The following ACP1 variants were observed in gnomAD, a reference collection of about 807,000 sequenced individuals.
ACP1 encodes low molecular weight phosphotyrosine protein phosphatase.
Under a neutral mutation model 23.4 loss-of-function variants are expected in ACP1, and 23 were observed. The observed-to-expected ratio is 0.98, with a 90% CI of 0.71 to 1.39. The LOEUF (loss-of-function observed/expected upper bound fraction) is 1.39, where lower values mean the gene tolerates loss of function less well. Among genes scored for constraint, ACP1 ranks in the 40% most tolerant of loss-of-function variants. The probability of loss-of-function intolerance (pLI) is 0.00; values close to 1 mark genes in which losing one functional copy is unlikely to be tolerated. For missense variants in ACP1, 180 were observed against 197.7 expected, an observed-to-expected ratio of 0.91 and a Z score of 0.54; for synonymous variants, 72 against 67.2, an observed-to-expected ratio of 1.07 and a Z score of -0.35.
intron 1 of ACP1, among the ~76,000 whole-genome samples, chr2:270,726 T>C (rs1476212767): frequency 6.6e-6 from 1 of 152,114 alleles, no homozygotes; most frequent in African/African-American, 2.4e-5. Flanking sequence ...CTTCCTGGGT[T>C]GGCAGTGCTC....
At chr2:272,209 T>C (rs749366849) in intron 3 of ACP1, 59 bp downstream of exon 3, 8 of 1,614,154 alleles carry the variant, frequency 5.0e-6, no homozygotes, top group Non-Finnish European at 8.5e-7. Context: ...TTGACAGCGG[T>C]GCTGTTTCTG....
intron 3 of ACP1, 196 bp from the exon 4 acceptor site, chr2:274,944 A>G (rs1254907164): frequency 2.6e-6 from 1 of 378,292 alleles, no homozygotes; most frequent in Non-Finnish European, 4.7e-6. Context: ...TTTATAATAC[A>G]AAATTTCTTT....
intron 1 of ACP1, among the ~76,000 whole-genome samples, chr2:266,722 C>G (rs1055343233): frequency 3.9e-5 from 6 of 152,210 alleles, no homozygotes; most frequent in African/African-American, 1.4e-4. Flanking sequence ...TCAGGAATTT[C>G]TTTTTCCTTG....
At chr2:275,117 T>A in intron 3 of ACP1, 23 bp from the exon 4 acceptor site, 2 of 1,381,776 alleles carry the variant, frequency 1.4e-6, no homozygotes, top group South Asian at 2.6e-5. Flanking sequence ...AACACTGTGT[T>A]TTGACTTCTT....
chr2:269,478 A>G lies in ACP1; in HGVS notation c.44-2388A>G, dbSNP rs913619530. 3 of 392,958 alleles carry G rather than the reference A, an allele frequency of 7.6e-6. No homozygotes were observed. In the East Asian group the frequency reaches 2.2e-4, roughly 29 times the overall value. The allele number at this position is 392,958 out of a possible 1,614,324, so 24.3% of individuals were successfully genotyped here. ...GATCCTCATTGTATTTGTTTATCAT[A>G]AACAGAAGACCCTAATAGTGATAAA... On this transcript the variant is annotated intron_variant, in intron 1 of 5. Transcript: ENST00000272065.
At chr2:266,062 A>G (rs1669869346) in intron 1 of ACP1, among the ~76,000 whole-genome samples, 1 of 152,206 alleles carries the variant, frequency 6.6e-6, no homozygotes, top group Non-Finnish European at 1.5e-5. Flanking sequence ...TGTGTAATAT[A>G]GTAAAAGATG....
chr2:271,548 C>T (rs184411597), intron 1 of ACP1, among the ~76,000 whole-genome samples: 2 of 152,156 alleles, frequency 1.3e-5, no homozygotes, highest in African/African-American at 2.4e-5. Context: ...ACTTCATTTT[C>T]GTGATTCACT....
At chr2:275,106 A>G in intron 3 of ACP1, 34 bp from the exon 4 acceptor site, 1 of 1,262,534 alleles carries the variant, frequency 7.9e-7, no homozygotes, top group Non-Finnish European at 1.1e-6. Flanking sequence ...TGAATGGTAT[A>G]AACACTGTGT....
In ACP1 at chr2:277,063, T is replaced by G. The variant is rs1409442105; in HGVS notation, c.377T>G (p.Leu126Arg). ...LLGSYDPQKQ[L>R]IIEDPYYGND... is the part of the protein sequence containing the mutation. Reference sequence around the variant, plus strand: ...GGGAGCTATGATCCACAAAAACAACTTATTATTGAAGATCCCTATTATGTA... The same window carrying G: ...GGGAGCTATGATCCACAAAAACAACGTATTATTGAAGATCCCTATTATGTA... Residue 126 changes from leucine to arginine, a missense_variant, in exon 5 of 6, where the codon CTT (leucine) becomes CGT (arginine). By Grantham distance (102) the Leu-to-Arg change is moderately radical. Transcript: ENST00000272065. The G allele has an allele frequency of 1.2e-6, 2 of 1,613,084 alleles. No individual in the cohort carries two copies. The highest frequency in any genetic ancestry group is 3.3e-5 in the Admixed American group (2 of 59,968).
At chr2:265,271 A>C in intron 1 of ACP1, 1 of 449,390 alleles carries the variant, frequency 2.2e-6, no homozygotes, top group Non-Finnish European at 3.9e-6. Flanking sequence ...CAGCCCCTAC[A>C]AGCCAAGGTA....
At chr2:272,588 C>T in intron 3 of ACP1, 1 of 847,390 alleles carries the variant, frequency 1.2e-6, no homozygotes, top group Non-Finnish European at 1.7e-6. Context: ...TTCCTTCCTG[C>T]ATAATTTTTA....
intron 1 of ACP1, among the ~76,000 whole-genome samples, chr2:271,470 A>C (rs932137399): frequency 1.3e-5 from 2 of 152,182 alleles, no homozygotes; most frequent in Non-Finnish European, 2.9e-5. Flanking sequence ...GAGTCTACTG[A>C]GGGACAGACC....
intron 1 of ACP1, among the ~76,000 whole-genome samples, chr2:267,466 A>T (rs1049729611): frequency 2.6e-5 from 4 of 152,200 alleles, no homozygotes. Context: ...CTGATAGATG[A>T]CTTTTGAGTA....
At chr2:266,267 C>T (rs1669878800) in intron 1 of ACP1, 1 of 152,170 alleles carries the variant, frequency 6.6e-6, no homozygotes, top group Admixed American at 6.5e-5. Flanking sequence ...AAGTTAACTT[C>T]TGTGAAAGAC....
rs774993891 is a variant in ACP1, at chr2:264,988, C to G, written c.24C>G (p.Ser8=). ...AGATGGCGGAACAGGCTACCAAGTC[C>G]GTGCTGTTTGTGTGTCTGGGTAAGA... The part of the protein sequence containing the change: MAEQATK[S]VLFVCLGNIC... Residue 8 remains serine, a synonymous_variant, in exon 1 of 6, where the codon TCC becomes TCG. Coordinates refer to ENST00000272065, the MANE Select transcript of ACP1 (RefSeq NM_004300.4). 10 of 1,613,132 alleles carry G rather than the reference C, an allele frequency of 6.2e-6. No individual in the cohort carries two copies. Among genetic ancestry groups the G allele is most frequent in the Non-Finnish European group, 7.6e-6 (9 of 1,179,646 alleles).
intron 1 of ACP1, among the ~76,000 whole-genome samples, chr2:265,517 C>T (rs1200876927): frequency 3.3e-5 from 5 of 152,190 alleles, no homozygotes; most frequent in Non-Finnish European, 7.3e-5. Flanking sequence ...CTGGAGGTCC[C>T]TATATAACTT....
rs374856341 is a variant in ACP1, at chr2:277,101, G to A, written c.399+16G>A. On this transcript the variant is annotated intron_variant, in intron 5 of 5. Coordinates refer to ENST00000272065, the MANE Select transcript of ACP1 (RefSeq NM_004300.4). ...TCCCTATTATGTAAGTACAGTTCACGTTTTAGGGCTAATATGAAGACCCAA... is the reference window on the plus strand; with the variant it reads ...TCCCTATTATGTAAGTACAGTTCACATTTTAGGGCTAATATGAAGACCCAA... The A allele has an allele frequency of 4.8e-5, 76 of 1,590,908 alleles. No homozygotes were observed. In the African/African-American group the frequency reaches 7.4e-4, roughly 15 times the overall value.
At chr2:277,116 T>C (rs373516905) in intron 5 of ACP1, 31 bp downstream of exon 5, 3 of 1,578,576 alleles carry the variant, frequency 1.9e-6, no homozygotes, top group Non-Finnish European at 2.6e-6. Context: ...AGGGCTAATA[T>C]GAAGACCCAA....
rs1433744000 is a variant in ACP1, at chr2:277,598, A to G, written c.*294A>G. 11 of 404,372 alleles carry G rather than the reference A, an allele frequency of 2.7e-5. No homozygotes were observed. The East Asian group carries it at 4.3e-4, about 16-fold the overall frequency. The allele number at this position is 404,372 out of a possible 1,614,324, so 25.0% of individuals were successfully genotyped here. ...ATAGTAGAACAAGCAACATAAAACAATGAAGGAAAACCTCACTTGAAGGCC... is the reference window on the plus strand; with the variant it reads ...ATAGTAGAACAAGCAACATAAAACAGTGAAGGAAAACCTCACTTGAAGGCC... On this transcript the variant is annotated 3_prime_UTR_variant, in exon 6 of 6. Transcript: ENST00000272065.
Sources: gnomAD v4.1 joint callset for allele counts (sites outside exome capture counted in the v4.1 genomes callset) on GRCh38, gnomAD v4.1.1 for gene constraint, MANE v1.5 for transcripts, NCBI Gene and HGNC (gene_info 2026-07-23, HGNC 2026-07-21) for gene names.